The following SKAP2 variants were observed in gnomAD, a reference collection of about 807,000 sequenced individuals.
SKAP2 encodes src kinase associated phosphoprotein 2.
A neutral mutation model predicts 54.9 loss-of-function variants in SKAP2; 28 were observed. That is an observed-to-expected ratio of 0.51 (90% CI 0.38 to 0.70). The LOEUF (loss-of-function observed/expected upper bound fraction) is 0.70. Ranked by LOEUF, SKAP2 falls within the 30% of genes least tolerant of loss-of-function variation. The pLI is 0.00. For synonymous variants in SKAP2, 137 were observed against 134.3 expected (o/e 1.02, Z -0.14); for missense variants, 356 against 424.1 (o/e 0.84, Z 1.41).
At chr7:26,800,273 C>T (rs7799888) in intron 4 of SKAP2, among the ~76,000 whole-genome samples, 45,387 of 151,972 alleles carry the variant, frequency 0.3, 7,073 homozygotes, top group Middle Eastern at 0.37. Context: ...GAATAACCAG[C>T]GGGTCGGTGA....
intron 4 of SKAP2, among the ~76,000 whole-genome samples, chr7:26,826,071 C>T (rs1331516191): frequency 5.3e-5 from 8 of 152,152 alleles, no homozygotes; most frequent in Non-Finnish European, 5.9e-5. Context: ...CCCCTCTCCA[C>T]AAACTCTTTT....
intron 4 of SKAP2, among the ~76,000 whole-genome samples, chr7:26,753,509 G>A (rs1304473410): frequency 6.6e-6 from 1 of 152,140 alleles, no homozygotes; most frequent in Admixed American, 6.5e-5. Flanking sequence ...AGTACACACT[G>A]AAAACAGAAG....
chr7:26,655,224 T>A, the SKAP2 span, among the ~76,000 whole-genome samples: 2 of 152,174 alleles, frequency 1.3e-5, no homozygotes, highest in African/African-American at 4.8e-5. Flanking sequence ...CTTTAACACC[T>A]CTTCTGTATG....
chr7:26,662,628 TTAGA>T (rs10606859), downstream of SKAP2, among the ~76,000 whole-genome samples: 1,093 of 152,200 alleles, frequency 7.2e-3, 10 homozygotes, highest in African/African-American at 0.025. Context: ...AATCATTTAA[TTAGA>T]TAGGAAGAAA....
intron 7 of SKAP2, 62 bp downstream of exon 7, chr7:26,726,820 C>T: frequency 7.5e-7 from 1 of 1,340,896 alleles, no homozygotes; most frequent in Non-Finnish European, 1.0e-6. Context: ...ATGTTAATGT[C>T]TCTATAAATG....
At chr7:26,690,557 A>T (rs1184057513) in intron 9 of SKAP2, among the ~76,000 whole-genome samples, 195 bp from the exon 10 acceptor site, 1 of 152,220 alleles carries the variant, frequency 6.6e-6, no homozygotes, top group South Asian at 2.1e-4. Flanking sequence ...GCTACTGCCA[A>T]ATAGCAACCT....
intron 1 of SKAP2, 26 bp from the exon 2 acceptor site, chr7:26,854,916 G>A: frequency 6.8e-7 from 1 of 1,466,720 alleles, no homozygotes; most frequent in Non-Finnish European, 9.3e-7. Flanking sequence ...TAAGAAACAG[G>A]ATACAAATTA....
the SKAP2 span, among the ~76,000 whole-genome samples, chr7:26,656,195 A>G: frequency 1.3e-5 from 2 of 152,204 alleles, no homozygotes; most frequent in Non-Finnish European, 2.9e-5. Flanking sequence ...GGCAATCCTC[A>G]GTACAGCTGG....
intron 4 of SKAP2, among the ~76,000 whole-genome samples, chr7:26,830,969 T>C (rs1242332451): frequency 6.6e-6 from 1 of 152,180 alleles, no homozygotes; most frequent in Non-Finnish European, 1.5e-5. Flanking sequence ...TTTGTTATTG[T>C]CTTTAGCATT....
chr7:26,728,325 A>G (rs1012387475), intron 6 of SKAP2, among the ~76,000 whole-genome samples: 1 of 152,184 alleles, frequency 6.6e-6, no homozygotes, highest in Non-Finnish European at 1.5e-5. Context: ...AGAGTTAAGC[A>G]GTTTTGTTAG....
intron 3 of SKAP2, among the ~76,000 whole-genome samples, chr7:26,849,164 C>T (rs532490189): frequency 5.3e-5 from 8 of 152,266 alleles, no homozygotes; most frequent in African/African-American, 1.9e-4. Context: ...GACTTTTCTG[C>T]TATTCTTATT....
intron 4 of SKAP2, among the ~76,000 whole-genome samples, chr7:26,820,876 A>G (rs748662374): frequency 6.6e-6 from 1 of 152,226 alleles, no homozygotes. Context: ...ATCTTGTGAC[A>G]TTACAGTAAC....
intron 4 of SKAP2, among the ~76,000 whole-genome samples, chr7:26,831,986 C>G (rs1308761212): frequency 6.6e-6 from 1 of 152,066 alleles, no homozygotes; most frequent in Non-Finnish European, 1.5e-5. Flanking sequence ...GTCCCTCATT[C>G]CCTTAACTTA....
chr7:26,810,329 A>T (rs1199285587), intron 4 of SKAP2, among the ~76,000 whole-genome samples: 1 of 152,130 alleles, frequency 6.6e-6, no homozygotes, highest in Non-Finnish European at 1.5e-5. Flanking sequence ...AAAGGAAAGA[A>T]AAAGAAAGAA....
At chr7:26,853,995 T>G in intron 3 of SKAP2, 142 bp downstream of exon 3, 1 of 567,944 alleles carries the variant, frequency 1.8e-6, no homozygotes, top group Non-Finnish European at 3.1e-6. Flanking sequence ...GAGCTAGCAC[T>G]CTCATCTTGA....
chr7:26,736,425 T>C (rs1001840729), intron 6 of SKAP2, among the ~76,000 whole-genome samples: 3 of 91,712 alleles, frequency 3.3e-5, no homozygotes, highest in African/African-American at 4.6e-5. Flanking sequence ...AGTTACCCTA[T>C]ATGGCTTAAA....
intron 4 of SKAP2, among the ~76,000 whole-genome samples, chr7:26,813,259 T>A (rs1261116495): frequency 6.6e-6 from 1 of 152,194 alleles, no homozygotes; most frequent in Non-Finnish European, 1.5e-5. Context: ...AGTAACAGTA[T>A]GCAATTGTAT....
intron 4 of SKAP2, among the ~76,000 whole-genome samples, chr7:26,743,649 A>G (rs2127963357): frequency 6.6e-6 from 1 of 152,318 alleles, no homozygotes; most frequent in Non-Finnish European, 1.5e-5. Flanking sequence ...TTTTCTTTTT[A>G]TAAAATGAGT....
chr7:26,720,173 C>A (rs1307125027), intron 9 of SKAP2, among the ~76,000 whole-genome samples: 2 of 152,124 alleles, frequency 1.3e-5, no homozygotes, highest in East Asian at 1.9e-4. Context: ...GGCTGGGAAC[C>A]ACTGATGTAG....
Sources: allele counts gnomAD v4.1 joint callset (sites outside exome capture counted in the v4.1 genomes callset), GRCh38; gene constraint gnomAD v4.1.1; transcripts MANE v1.5; gene names NCBI Gene and HGNC (gene_info 2026-07-23, HGNC 2026-07-21).